The following KIAA0586 variants were observed in gnomAD, a reference collection of about 807,000 sequenced individuals.
KIAA0586 encodes KIAA0586.
KIAA0586 carries 144 observed loss-of-function variants against 169.8 expected under a neutral mutation model. That is an observed-to-expected ratio of 0.85 (90% confidence interval 0.74 to 0.97). KIAA0586 has a LOEUF of 0.97. KIAA0586 is among the 50% of genes least tolerant of loss of function. The probability of loss-of-function intolerance (pLI) is 0.00; values close to 1 mark genes in which losing one functional copy is unlikely to be tolerated. For missense variants in KIAA0586, 1,854 were observed against 1,823.0 expected, an observed-to-expected ratio of 1.02 and a Z score of -0.31; for synonymous variants, 625 against 612.4, an observed-to-expected ratio of 1.02 and a Z score of -0.30.
chr14:58,527,461 T>C (rs1376436508), intron 29 of KIAA0586, among the ~76,000 whole-genome samples: 3 of 152,170 alleles, frequency 2.0e-5, no homozygotes, highest in Non-Finnish European at 4.4e-5. Context: ...GAGAGAAAGG[T>C]TGGGTTACCC....
the KIAA0586 span, among the ~76,000 whole-genome samples, chr14:58,557,934 A>T: frequency 2.6e-5 from 1 of 38,248 alleles, no homozygotes; most frequent in Non-Finnish European, 4.6e-5. Context: ...TTTTTGAGAC[A>T]GGGTTTGCTC....
chr14:58,432,329 A>G, intron 3 of KIAA0586, 59 bp from the exon 4 acceptor site: 1 of 1,041,094 alleles, frequency 9.6e-7, no homozygotes, highest in African/African-American at 1.7e-5. Flanking sequence ...TTAGTAGCTT[A>G]TTAAAGTTTA....
intron 4 of KIAA0586, among the ~76,000 whole-genome samples, chr14:58,437,435 A>T (rs958925535): frequency 6.6e-6 from 1 of 152,078 alleles, no homozygotes; most frequent in African/African-American, 2.4e-5. Context: ...TCAAGTTGCC[A>T]GACAGTGGCT....
At chr14:58,474,554 G>A in intron 18 of KIAA0586, 53 bp from the exon 19 acceptor site, 1 of 1,299,364 alleles carries the variant, frequency 7.7e-7, no homozygotes, top group Non-Finnish European at 1.0e-6. Flanking sequence ...TTGGTACTCA[G>A]TAAATGTTGA....
At chr14:58,538,473 T>C (rs1033280535) in intron 29 of KIAA0586, among the ~76,000 whole-genome samples, 1 of 152,134 alleles carries the variant, frequency 6.6e-6, no homozygotes, top group Non-Finnish European at 1.5e-5. Context: ...ACAGTAGGTA[T>C]ATGTATTTAC....
intron 21 of KIAA0586, among the ~76,000 whole-genome samples, chr14:58,485,220 C>G (rs2141159821): frequency 6.6e-6 from 1 of 151,254 alleles, no homozygotes; most frequent in African/African-American, 2.4e-5. Context: ...CCGCACCTGG[C>G]CCAAATAATA....
intron 29 of KIAA0586, among the ~76,000 whole-genome samples, chr14:58,515,824 T>G (rs964553747): frequency 6.6e-6 from 1 of 152,014 alleles, no homozygotes; most frequent in African/African-American, 2.4e-5. Flanking sequence ...GTTGCTGAAT[T>G]TGGGAGTTTT....
At chr14:58,434,801 C>T (rs145713296) in intron 4 of KIAA0586, among the ~76,000 whole-genome samples, 35 of 152,180 alleles carry the variant, frequency 2.3e-4, no homozygotes, top group African/African-American at 8.4e-4. Flanking sequence ...GACAGGATCT[C>T]GCTCTGTCAC....
intron 28 of KIAA0586, among the ~76,000 whole-genome samples, 191 bp downstream of exon 28, chr14:58,508,900 C>T (rs1162402884): frequency 1.3e-5 from 2 of 152,064 alleles, no homozygotes; most frequent in African/African-American, 4.8e-5. Flanking sequence ...ATTACTTAGC[C>T]TCTTTTAAGC....
chr14:58,492,036 C>A, intron 25 of KIAA0586, 108 bp from the exon 26 acceptor site: 2 of 812,206 alleles, frequency 2.5e-6, no homozygotes, highest in Non-Finnish European at 3.6e-6. Context: ...TCCAAAAATG[C>A]TAATATCATC....
intron 6 of KIAA0586, among the ~76,000 whole-genome samples, chr14:58,447,939 A>G (rs1743727): frequency 0.98 from 148,804 of 152,320 alleles, 72,772 homozygotes; most frequent in Non-Finnish European, 1. Context: ...ACAAAATCCT[A>G]CCATTTAGGA....
chr14:58,427,560 A>C, upstream of KIAA0586: 1 of 1,527,434 alleles, frequency 6.5e-7, no homozygotes, highest in Admixed American at 2.0e-5. Context: ...AACCCCTGTT[A>C]TGTCCGGAGT....
chr14:58,537,251 C>T (rs1380709911), intron 29 of KIAA0586: 6 of 890,976 alleles, frequency 6.7e-6, no homozygotes, highest in Middle Eastern at 3.1e-4. Flanking sequence ...ACTGTTAAGA[C>T]GTATCACTGC....
At chr14:58,535,695 T>G (rs2046237160) in intron 29 of KIAA0586, among the ~76,000 whole-genome samples, 1 of 143,180 alleles carries the variant, frequency 7.0e-6, no homozygotes, top group Admixed American at 7.1e-5. Flanking sequence ...TAATAATTTA[T>G]TGGATTTTTT....
At chr14:58,536,955 A>T (rs915722947) in intron 29 of KIAA0586, 4 of 1,128,440 alleles carry the variant, frequency 3.5e-6, no homozygotes, top group Non-Finnish European at 4.6e-6. Context: ...TAATTCCAAA[A>T]TTTTCCTTCT....
intron 27 of KIAA0586, among the ~76,000 whole-genome samples, chr14:58,506,555 C>T (rs1418937556): frequency 8.6e-5 from 13 of 151,814 alleles, no homozygotes; most frequent in Non-Finnish European, 1.5e-4. Context: ...GGTGTGGTGG[C>T]GCGTGCCTGT....
intron 13 of KIAA0586, among the ~76,000 whole-genome samples, 195 bp downstream of exon 13, chr14:58,460,265 T>A (rs1460586479): frequency 6.6e-6 from 1 of 152,086 alleles, no homozygotes; most frequent in Non-Finnish European, 1.5e-5. Flanking sequence ...AATAGATAGT[T>A]CCTTTCTTAT....
intron 29 of KIAA0586, among the ~76,000 whole-genome samples, chr14:58,525,327 G>A (rs1360265320): frequency 6.6e-6 from 1 of 151,948 alleles, no homozygotes; most frequent in African/African-American, 2.4e-5. Flanking sequence ...AATGCAGAAG[G>A]TGGGTGATTT....
chr14:58,539,833 A>G (rs555565096), intron 29 of KIAA0586: 5 of 302,966 alleles, frequency 1.7e-5, no homozygotes, highest in Non-Finnish European at 3.0e-5. Context: ...TCCCCCCCCC[A>G]TCTGTGATGC....
Sources: gnomAD v4.1 joint callset for allele counts (sites outside exome capture counted in the v4.1 genomes callset) on GRCh38, gnomAD v4.1.1 for gene constraint, MANE v1.5 for transcripts, NCBI Gene and HGNC (gene_info 2026-07-23, HGNC 2026-07-21) for gene names.